DLG2: variants seen among roughly 807,000 people sequenced by gnomAD.
DLG2 encodes the protein discs large MAGUK scaffold protein 2, also known as disks large homolog 2.
A neutral mutation model predicts 132.5 loss-of-function variants in DLG2; 45 were observed. The ratio of observed to expected loss-of-function variants is 0.34; its 90% CI spans 0.27 to 0.44. The LOEUF (loss-of-function observed/expected upper bound fraction) is 0.44. Among genes scored for constraint, DLG2 ranks in the 20% least tolerant of loss-of-function variants. The pLI, the probability that DLG2 is intolerant of heterozygous loss-of-function variation, is 1.00. For missense variants in DLG2, 1,045 were observed against 1,196.9 expected, an observed-to-expected ratio of 0.87 and a Z score of 1.87; for synonymous variants, 424 against 419.6, an observed-to-expected ratio of 1.01 and a Z score of -0.13.
intron 19 of DLG2, among the ~76,000 whole-genome samples, chr11:83,561,823 G>C (rs1468818921): frequency 6.6e-6 from 1 of 150,680 alleles, no homozygotes; most frequent in Non-Finnish European, 1.5e-5. Context: ...AGGGCAGTAG[G>C]AACATAATAT....
intron 6 of DLG2, among the ~76,000 whole-genome samples, chr11:84,792,498 T>C (rs1358863720): frequency 6.6e-6 from 1 of 152,172 alleles, no homozygotes; most frequent in East Asian, 1.9e-4. Context: ...TTGAGTAGAA[T>C]TGGTATTACT....
chr11:83,987,850 G>A (rs1352683441), intron 11 of DLG2, among the ~76,000 whole-genome samples: 1 of 151,974 alleles, frequency 6.6e-6, no homozygotes, highest in African/African-American at 2.4e-5. Flanking sequence ...ATCTCATTTT[G>A]GTCTTGATTT....
intron 12 of DLG2, among the ~76,000 whole-genome samples, chr11:83,966,966 C>T (rs1206062300): frequency 6.6e-6 from 1 of 151,904 alleles, no homozygotes; most frequent in East Asian, 1.9e-4. Context: ...TTTAAGATTC[C>T]ACATATAAGT....
intron 16 of DLG2, among the ~76,000 whole-genome samples, chr11:83,868,779 T>C (rs2062877658): frequency 6.6e-6 from 1 of 152,124 alleles, no homozygotes; most frequent in Non-Finnish European, 1.5e-5. Context: ...AGTATATTTA[T>C]CAGCATGTCA....
At chr11:85,270,706 G>C (rs1331526542) in intron 4 of DLG2, among the ~76,000 whole-genome samples, 2 of 152,194 alleles carry the variant, frequency 1.3e-5, no homozygotes, top group Non-Finnish European at 2.9e-5. Flanking sequence ...GGAACTTGTT[G>C]GGAACTGGAG....
intron 6 of DLG2, among the ~76,000 whole-genome samples, chr11:84,537,170 G>C (rs530157669): frequency 4.6e-5 from 7 of 152,108 alleles, no homozygotes; most frequent in Admixed American, 2.6e-4. Context: ...GCAGTGGCAC[G>C]ATCTCAGCTC....
At chr11:85,132,686 C>A (rs1425374097) in intron 5 of DLG2, 8 of 455,368 alleles carry the variant, frequency 1.8e-5, no homozygotes, top group Admixed American at 1.6e-4. Context: ...ACTGGCAGCA[C>A]CTACTAGAAC....
intron 3 of DLG2, among the ~76,000 whole-genome samples, chr11:85,496,335 G>A (rs995823312): frequency 1.7e-4 from 26 of 152,336 alleles, no homozygotes; most frequent in African/African-American, 5.8e-4. Context: ...GGACACGGGA[G>A]CTTGGCAAAG....
chr11:84,446,040 A>T (rs71468372), intron 7 of DLG2, among the ~76,000 whole-genome samples: 24 of 150,874 alleles, frequency 1.6e-4, no homozygotes, highest in African/African-American at 5.6e-4. Context: ...TTCTACCCGT[A>T]CTATTGCTTC....
At chr11:84,179,822 A>C (rs1596760190) in intron 8 of DLG2, among the ~76,000 whole-genome samples, 1 of 152,228 alleles carries the variant, frequency 6.6e-6, no homozygotes, top group East Asian at 1.9e-4. Flanking sequence ...CTCACCTAAA[A>C]TTGGGGATAA....
chr11:85,472,300 T>G (rs1398466262), intron 3 of DLG2, among the ~76,000 whole-genome samples: 3 of 152,016 alleles, frequency 2.0e-5, no homozygotes, highest in Non-Finnish European at 2.9e-5. Flanking sequence ...AGAACTGTTT[T>G]TTGTTTTTGT....
At chr11:84,376,739 A>G (rs566724955) in intron 7 of DLG2, among the ~76,000 whole-genome samples, 1 of 152,044 alleles carries the variant, frequency 6.6e-6, no homozygotes, top group East Asian at 1.9e-4. Context: ...ATTTCAGCAC[A>G]GGAGGTAGCT....
intron 14 of DLG2, among the ~76,000 whole-genome samples, chr11:83,948,247 T>A (rs2084560369): frequency 6.6e-6 from 1 of 152,200 alleles, no homozygotes; most frequent in African/African-American, 2.4e-5. Flanking sequence ...GAGAAAGGAC[T>A]CACATTGTTC....
chr11:83,634,691 T>C lies in DLG2; in HGVS notation c.1826-1366A>G, dbSNP rs535813349. On this transcript the variant is annotated intron_variant, in intron 18 of 27. Coordinates refer to ENST00000376104, the MANE Select transcript of DLG2 (RefSeq NM_001142699.3). ...GTTTCAAATTCTTTATAAGAAAAAG[T>C]TCTATAAAATGTAATTTCATTTCAA... 3.0e-4 allele frequency among the ~76,000 whole-genome samples: 45 copies of C among 152,300 alleles called. 1 individual carries two copies. The highest frequency in any genetic ancestry group is 3.4e-3 in the Middle Eastern group (1 of 294).
chr11:85,025,661 T>C (rs979627320), intron 6 of DLG2, among the ~76,000 whole-genome samples: 1 of 152,124 alleles, frequency 6.6e-6, no homozygotes, highest in Non-Finnish European at 1.5e-5. Flanking sequence ...CATTCTAAAA[T>C]TCACTAGAAG....
intron 3 of DLG2, among the ~76,000 whole-genome samples, chr11:85,324,271 T>G (rs1410229870): frequency 1.3e-5 from 2 of 152,146 alleles, no homozygotes; most frequent in Non-Finnish European, 2.9e-5. Flanking sequence ...GATGCCAGGA[T>G]ATTTTTTATT....
chr11:84,809,607 G>C (rs78828289), intron 6 of DLG2, among the ~76,000 whole-genome samples: 14,540 of 151,794 alleles, frequency 0.096, 768 homozygotes, highest in Non-Finnish European at 0.12. Flanking sequence ...TACATAATCA[G>C]TTGTGTTTCT....
chr11:85,195,721 T>C (rs978522898), intron 4 of DLG2, among the ~76,000 whole-genome samples: 1 of 151,450 alleles, frequency 6.6e-6, no homozygotes, highest in African/African-American at 2.4e-5. Flanking sequence ...AGAGACGGGG[T>C]TTCACCGTGT....
chr11:83,520,668 A>AGATAGATAGATAGATAGATAGATAGAT (rs1565616050), intron 21 of DLG2, among the ~76,000 whole-genome samples: 3 of 76,148 alleles, frequency 3.9e-5, no homozygotes, highest in Non-Finnish European at 6.6e-5. Context: ...GATAGATAGA[A>AGATAGATAGATAGATAGATAGATAGAT]AGAAAGACAG....
Sources: allele counts gnomAD v4.1 joint callset (sites outside exome capture counted in the v4.1 genomes callset), GRCh38; gene constraint gnomAD v4.1.1; transcripts MANE v1.5; gene names NCBI Gene and HGNC (gene_info 2026-07-23, HGNC 2026-07-21).